BUD13: variants seen among roughly 807,000 people sequenced by gnomAD.
The protein encoded by BUD13 is BUD13 spliceosome associated protein.
BUD13 carries 47 observed loss-of-function variants against 62.5 expected under a neutral mutation model. The observed-to-expected ratio is 0.75, with a 90% CI of 0.60 to 0.96. BUD13 has a LOEUF of 0.96. BUD13 is among the 40% of genes least tolerant of loss of function. BUD13 has a pLI of 0.00. For synonymous variants in BUD13, 293 were observed against 280.1 expected (o/e 1.05, Z -0.46); for missense variants, 821 against 790.9 (o/e 1.04, Z -0.46).
chr11:116,772,497 T>G (rs1406860353), intron 1 of BUD13, among the ~76,000 whole-genome samples: 3 of 152,202 alleles, frequency 2.0e-5, no homozygotes, highest in Non-Finnish European at 4.4e-5. Context: ...ACAGAGGCTT[T>G]GAATCCGCTC....
chr11:116,762,543 A>G lies in BUD13; in HGVS notation c.1036+10T>C. 1 of 1,592,098 alleles carries G rather than the reference A, an allele frequency of 6.3e-7. No individual in the cohort carries two copies. Among genetic ancestry groups the G allele is most frequent in the Non-Finnish European group, 8.6e-7 (1 of 1,167,038 alleles). On this transcript the variant is annotated intron_variant, in intron 4 of 9. Coordinates refer to ENST00000260210, the MANE Select transcript of BUD13 (RefSeq NM_032725.4). Reference sequence around the variant, plus strand: ...ACATACATCCCTCTCATGGACAGTCATATGCTCACCTTTGGAATCAAGCTG... The same window carrying G: ...ACATACATCCCTCTCATGGACAGTCGTATGCTCACCTTTGGAATCAAGCTG...
intron 5 of BUD13, among the ~76,000 whole-genome samples, chr11:116,759,973 C>G (rs1199005659): frequency 6.6e-6 from 1 of 152,118 alleles, no homozygotes; most frequent in African/African-American, 2.4e-5. Context: ...AAATAAGATT[C>G]CTTTACTACT....
chr11:116,763,810 G>C (rs1470725942), intron 3 of BUD13, among the ~76,000 whole-genome samples: 1 of 151,944 alleles, frequency 6.6e-6, no homozygotes, highest in African/African-American at 2.4e-5. Flanking sequence ...AAAATAAAAT[G>C]CTGTTAACTA....
In BUD13 at chr11:116,760,910, C is replaced by T. The variant is rs1017684654; in HGVS notation, c.1079G>A (p.Arg360Gln). The T allele has an allele frequency of 2.5e-6, 4 of 1,613,978 alleles. No homozygotes were observed. Among genetic ancestry groups the T allele is most frequent in the Non-Finnish European group, 2.5e-6 (3 of 1,179,962 alleles). Residue 360 changes from arginine to glutamine, a missense_variant, in exon 5 of 10, where the codon CGG (arginine) becomes CAG (glutamine). By Grantham distance (43) the Arg-to-Gln change is conservative (BLOSUM62 1). This residue lies in a region of BUD13 where 800 missense variants were observed against 739.2 expected (regional missense o/e 1.08). Transcript: ENST00000260210. ...KATDSDLSSP[R>Q]HKQSPGHQDS... Reference sequence around the variant, plus strand: ...CTGGTGCCCTGGACTTTGTTTATGCCGTGGAGAAGAAAGGTCTGAATCAGT... The same window carrying T: ...CTGGTGCCCTGGACTTTGTTTATGCTGTGGAGAAGAAAGGTCTGAATCAGT...
chr11:116,759,036 A>G, intron 6 of BUD13, 38 bp downstream of exon 6: 2 of 1,409,452 alleles, frequency 1.4e-6, no homozygotes, highest in South Asian at 1.2e-5. Flanking sequence ...AAAAAACAGT[A>G]TGAGCCTAAA....
At position 116,760,603 on chromosome 11, in the gene BUD13, G is replaced by C. The variant is rs760185279; in HGVS notation, c.1254+132C>G. On this transcript the variant is annotated intron_variant, in intron 5 of 9. Coordinates refer to ENST00000260210, the MANE Select transcript of BUD13 (RefSeq NM_032725.4). ...CCTTCAGAAGGAAAGACCTCCAAAG[G>C]TCCTTTTAACTAAGATTTACTACAC... is the stretch of plus-strand genomic sequence containing the variant. 618 of 1,006,538 alleles carry C rather than the reference G, an allele frequency of 6.1e-4. 1 individual carries two copies. Among genetic ancestry groups the C allele is most frequent in the Non-Finnish European group, 6.8e-4 (459 of 674,988 alleles). 62.4% of individuals were successfully genotyped at this position (1,006,538 alleles called of 1,614,324 possible).
chr11:116,749,694 A>G (rs1427800977), intron 9 of BUD13, among the ~76,000 whole-genome samples: 1 of 152,222 alleles, frequency 6.6e-6, no homozygotes, highest in East Asian at 1.9e-4. Context: ...TGCGTAGGCC[A>G]TGGTAAAAAG....
chr11:116,766,288 T>C (rs1392712024), intron 2 of BUD13, among the ~76,000 whole-genome samples: 2 of 152,198 alleles, frequency 1.3e-5, no homozygotes, highest in African/African-American at 4.8e-5. Context: ...TCTAACTCGA[T>C]TCTCACAATA....
Position 116,762,604 on chromosome 11 carries a change from T to A in BUD13, c.985A>T (p.Lys329Ter). The change falls in exon 4 of 10, where the codon AAA becomes TAA. Residue 329 changes from lysine (K) to a stop codon, truncating the protein, a stop_gained. Transcript: ENST00000260210. LOFTEE classifies it high-confidence loss of function. ...CCAAAATGGGATTTTGCTTGCTTTT[T>A]TCGTGGAGGAGAGATGTCAGGGTCA... ...EYDPDISPPR[K>*]KQAKSHFGDK... The A allele has an allele frequency of 3.1e-6, 5 of 1,613,280 alleles. No homozygotes were observed. Among genetic ancestry groups the A allele is most frequent in the Non-Finnish European group, 4.2e-6 (5 of 1,179,786 alleles).
Position 116,765,385 on chromosome 11 carries a change from C to A in BUD13, c.299G>T (p.Ser100Ile), listed in dbSNP as rs993632123. 2 of 1,614,166 alleles carry A rather than the reference C, an allele frequency of 1.2e-6. No homozygotes were observed. Among genetic ancestry groups the A allele is most frequent in the African/African-American group, 2.7e-5 (2 of 75,046 alleles). The change falls in exon 3 of 10, where the codon AGT (serine) becomes ATT (isoleucine). Residue 100 changes from serine (S) to isoleucine (I), a missense_variant. Physicochemically the swap from Ser to Ile is moderately radical, Grantham distance 142 (BLOSUM62 -2). Transcript: ENST00000260210. ...ACCTCCCAGAAGCTTCCATTTGGCACTGGAACGAAAGGCCTCCATCTGCTT... is the reference window on the plus strand; with the variant it reads ...ACCTCCCAGAAGCTTCCATTTGGCAATGGAACGAAAGGCCTCCATCTGCTT... Reference protein sequence around the residue: ...EVKQMEAFRSSAKWKLLGGHN... With the variant: ...EVKQMEAFRSIAKWKLLGGHN...
In BUD13 at chr11:116,762,774, G is replaced by A; in HGVS notation, c.815C>T (p.Pro272Leu). 1 of 1,614,196 alleles carries A rather than the reference G, an allele frequency of 6.2e-7. No individual in the cohort carries two copies. The highest frequency in any genetic ancestry group is 8.5e-7 in the Non-Finnish European group (1 of 1,180,030). Residue 272 changes from proline (P) to leucine (L), a missense_variant, in exon 4 of 10, where the codon CCT becomes CTT. Transcript: ENST00000260210. ...ATAAGTGACATTAGGAGCCAAATCAGGGGAGTCATGACGGGCCCTTCTGAG... is the reference window on the plus strand; with the variant it reads ...ATAAGTGACATTAGGAGCCAAATCAAGGGAGTCATGACGGGCCCTTCTGAG... ...QQLRRARHDS[P>L]DLAPNVTYSL...
intron 9 of BUD13, among the ~76,000 whole-genome samples, chr11:116,755,159 G>A (rs12421652): frequency 2.6e-5 from 4 of 152,148 alleles, no homozygotes; most frequent in African/African-American, 9.6e-5. Context: ...GGAAATCTCA[G>A]CAGAGAAATT....
chr11:116,752,971 C>T (rs2134171728), intron 9 of BUD13, among the ~76,000 whole-genome samples: 1 of 152,262 alleles, frequency 6.6e-6, no homozygotes, highest in African/African-American at 2.4e-5. Context: ...AAGACAACGC[C>T]TTAGGCCCAT....
chr11:116,753,927 T>C (rs1468048323), intron 9 of BUD13, among the ~76,000 whole-genome samples: 1 of 152,266 alleles, frequency 6.6e-6, no homozygotes, highest in African/African-American at 2.4e-5. Context: ...TTGACCTCAC[T>C]GACTTTTATA....
At chr11:116,753,951 T>C (rs1215588920) in intron 9 of BUD13, among the ~76,000 whole-genome samples, 2 of 152,232 alleles carry the variant, frequency 1.3e-5, no homozygotes, top group Non-Finnish European at 1.5e-5. Context: ...CACTACCTTA[T>C]ATAGCTACAG....
At position 116,757,145 on chromosome 11, in the gene BUD13, C is replaced by T; in HGVS notation, c.1766+1G>A. 1 of 1,613,896 alleles carries T rather than the reference C, an allele frequency of 6.2e-7. No homozygotes were observed. Among genetic ancestry groups the T allele is most frequent in the Non-Finnish European group, 8.5e-7 (1 of 1,179,794 alleles). On this transcript the variant is annotated splice_donor_variant, in intron 9 of 9. Coordinates refer to ENST00000260210, the MANE Select transcript of BUD13 (RefSeq NM_032725.4). LOFTEE classifies it high-confidence loss of function. Reference sequence around the variant, plus strand: ...AAAATGTAAGAAATACCCAGGCTTACCTGTCCACTCCGTCCCAGCGATATC... The same window carrying T: ...AAAATGTAAGAAATACCCAGGCTTATCTGTCCACTCCGTCCCAGCGATATC...
At chr11:116,755,201 G>C (rs1249517242) in intron 9 of BUD13, among the ~76,000 whole-genome samples, 2 of 152,192 alleles carry the variant, frequency 1.3e-5, no homozygotes, top group African/African-American at 4.8e-5. Context: ...TCAAGCAATG[G>C]AAATGCCAGT....
intron 2 of BUD13, 107 bp from the exon 3 acceptor site, chr11:116,765,553 G>T: frequency 8.6e-7 from 1 of 1,158,812 alleles, no homozygotes. Context: ...ACACAAGGGC[G>T]TACATATATC....
chr11:116,752,497 TA>T (rs66505542), intron 9 of BUD13, among the ~76,000 whole-genome samples: 116,637 of 151,644 alleles, frequency 0.77, 45,525 homozygotes, highest in Non-Finnish European at 0.85. Context: ...TAAATACTAG[TA>T]AAAAAAAACT....
Sources: gnomAD v4.1 joint callset for allele counts (sites outside exome capture counted in the v4.1 genomes callset) on GRCh38, gnomAD v4.1.1 for gene constraint, gnomAD v4.1.1 regional missense constraint, MANE v1.5 for transcripts, NCBI Gene and HGNC (gene_info 2026-07-23, HGNC 2026-07-21) for gene names.